PIGN: variants seen among roughly 807,000 people sequenced by gnomAD.
The protein encoded by PIGN is phosphatidylinositol glycan anchor biosynthesis class N, also known as GPI ethanolamine phosphate transferase 1.
In PIGN, 117 loss-of-function variants were observed where a neutral mutation model predicts 125.4. The observed-to-expected ratio is 0.93, with a 90% CI of 0.80 to 1.09. The LOEUF (loss-of-function observed/expected upper bound fraction) is 1.09, where lower values mean the gene tolerates loss of function less well. PIGN is among the 50% of genes least tolerant of loss of function. The pLI, the probability that PIGN is intolerant of heterozygous loss-of-function variation, is 0.00. For missense variants in PIGN, 1,075 were observed against 1,094.9 expected, an observed-to-expected ratio of 0.98 and a Z score of 0.26; for synonymous variants, 392 against 377.8, an observed-to-expected ratio of 1.04 and a Z score of -0.44.
chr18:62,161,091 T>C, intron 4 of PIGN, 42 bp downstream of exon 4: 1 of 1,327,568 alleles, frequency 7.5e-7, no homozygotes, highest in Non-Finnish European at 1.1e-6. Flanking sequence ...TAACTCAGAA[T>C]AACATTTTAA....
chr18:62,111,012 T>C (rs1306323317), intron 16 of PIGN, among the ~76,000 whole-genome samples: 2 of 151,608 alleles, frequency 1.3e-5, no homozygotes, highest in Non-Finnish European at 2.9e-5. Context: ...GCCTAATCTA[T>C]ATTGTATTAT....
chr18:62,072,638 T>C (rs756098149), intron 30 of PIGN, 35 bp downstream of exon 30: 88 of 1,510,056 alleles, frequency 5.8e-5, no homozygotes, highest in Non-Finnish European at 7.7e-5. Context: ...AACTTATCCC[T>C]GTTGTTAAGC....
intron 4 of PIGN, among the ~76,000 whole-genome samples, chr18:62,160,824 T>G (rs2036924502): frequency 6.6e-6 from 1 of 152,120 alleles, no homozygotes; most frequent in Admixed American, 6.5e-5. Context: ...ACTTATTTTT[T>G]AAGAAAAAAA....
intron 17 of PIGN, among the ~76,000 whole-genome samples, chr18:62,109,357 T>C (rs2034780904): frequency 6.6e-6 from 1 of 152,128 alleles, no homozygotes; most frequent in South Asian, 2.1e-4. Flanking sequence ...TGTGTAAATA[T>C]AACCGTATTA....
chr18:62,083,099 C>A (rs908060710), intron 27 of PIGN, among the ~76,000 whole-genome samples: 2 of 151,986 alleles, frequency 1.3e-5, no homozygotes, highest in African/African-American at 4.8e-5. Context: ...ATGCCCAAAT[C>A]AAATAAATTA....
At chr18:62,182,497 A>G (rs1275312056) in intron 1 of PIGN, among the ~76,000 whole-genome samples, 1 of 152,108 alleles carries the variant, frequency 6.6e-6, no homozygotes, top group Non-Finnish European at 1.5e-5. Context: ...CCTTTATTTA[A>G]TCTAACAATT....
chr18:62,084,781 T>C (rs1376557500), intron 26 of PIGN, among the ~76,000 whole-genome samples, 175 bp from the exon 27 acceptor site: 1 of 152,180 alleles, frequency 6.6e-6, no homozygotes, highest in Non-Finnish European at 1.5e-5. Flanking sequence ...TGCCAATACA[T>C]ACCAATCTCC....
intron 20 of PIGN, among the ~76,000 whole-genome samples, chr18:62,103,296 C>A (rs1295931042): frequency 6.6e-6 from 1 of 151,824 alleles, no homozygotes; most frequent in Non-Finnish European, 1.5e-5. Context: ...TCAGTATCTA[C>A]AACATGTATT....
At chr18:62,023,907 T>C (rs1383061134) in intron 23 of PIGN, among the ~76,000 whole-genome samples, 1 of 152,216 alleles carries the variant, frequency 6.6e-6, no homozygotes, top group African/African-American at 2.4e-5. Flanking sequence ...AATTGTGTAC[T>C]TTATGCAGTT....
At chr18:62,119,899 C>T (rs1420420094) in intron 14 of PIGN, among the ~76,000 whole-genome samples, 4 of 151,320 alleles carry the variant, frequency 2.6e-5, no homozygotes, top group Admixed American at 2.6e-4. Flanking sequence ...AATACCTTGC[C>T]TGAAGCTTGA....
chr18:62,166,584 T>C (rs1449396739), intron 1 of PIGN, among the ~76,000 whole-genome samples: 1 of 152,174 alleles, frequency 6.6e-6, no homozygotes, highest in African/African-American at 2.4e-5. Flanking sequence ...TAAATCATTC[T>C]ATATAAAGAC....
In PIGN at chr18:62,110,201, T is replaced by C. The variant is rs2034821515; in HGVS notation, c.1435-228A>G. 1.7e-5 allele frequency: 7 copies of C among 411,876 alleles called. No homozygotes were observed. In the South Asian group the frequency reaches 3.2e-4, roughly 19 times the overall value. The allele number at this position is 411,876 out of a possible 1,614,324, so 25.5% of individuals were successfully genotyped here. A position where few individuals can be genotyped will look rare whatever the true frequency, so the allele number is the denominator to read the frequency against. On this transcript the variant is annotated intron_variant, in intron 16 of 30. Transcript: ENST00000640252. ...TGGAATTGCTGCAATTAAGCAATTCTCAACTTAAAAGTGACTATGGCCTTA... is the reference window on the plus strand; with the variant it reads ...TGGAATTGCTGCAATTAAGCAATTCCCAACTTAAAAGTGACTATGGCCTTA...
chr18:62,029,657 C>T (rs1251711950), intron 23 of PIGN, among the ~76,000 whole-genome samples: 1 of 152,026 alleles, frequency 6.6e-6, no homozygotes, highest in Non-Finnish European at 1.5e-5. Context: ...AGAAAAGCAA[C>T]GACATAAGTG....
intron 14 of PIGN, among the ~76,000 whole-genome samples, chr18:62,122,798 C>T (rs1386691284): frequency 2.0e-5 from 3 of 152,082 alleles, no homozygotes; most frequent in African/African-American, 7.2e-5. Flanking sequence ...GTTTAGATTC[C>T]TTCCAGTTCC....
At chr18:62,137,533 G>A (rs2035977989) in intron 14 of PIGN, 1 of 157,084 alleles carries the variant, frequency 6.4e-6, no homozygotes, top group South Asian at 2.1e-4. Flanking sequence ...CCTCCTACAT[G>A]TGTAGCAATT....
At chr18:62,071,800 G>A (rs1257354432) in intron 30 of PIGN, among the ~76,000 whole-genome samples, 1 of 144,480 alleles carries the variant, frequency 6.9e-6, no homozygotes, top group Admixed American at 7.1e-5. Context: ...ATAAACAACT[G>A]TTACCAGTAT....
chr18:62,174,338 A>T (rs2037446001), intron 1 of PIGN: 1 of 152,110 alleles, frequency 6.6e-6, no homozygotes, highest in Non-Finnish European at 1.5e-5. Context: ...AAATTATATG[A>T]TCTTTTAGAC....
At chr18:62,068,631 A>G (rs919658776) in intron 30 of PIGN, among the ~76,000 whole-genome samples, 25 of 152,078 alleles carry the variant, frequency 1.6e-4, no homozygotes, top group African/African-American at 6.0e-4. Context: ...ACCAAGGCAC[A>G]CCTTTATGTT....
At chr18:62,120,688 A>C (rs1663464438) in intron 14 of PIGN, among the ~76,000 whole-genome samples, 1 of 152,098 alleles carries the variant, frequency 6.6e-6, no homozygotes, top group Admixed American at 6.5e-5. Flanking sequence ...TAACATGACC[A>C]TGAAAAGGAT....
Sources: gnomAD v4.1 joint callset for allele counts (sites outside exome capture counted in the v4.1 genomes callset) on GRCh38, gnomAD v4.1.1 for gene constraint, MANE v1.5 for transcripts, NCBI Gene and HGNC (gene_info 2026-07-23, HGNC 2026-07-21) for gene names.